The following SLC2A9 variants were observed in gnomAD, a reference collection of about 807,000 sequenced individuals.
The protein encoded by SLC2A9 is solute carrier family 2 member 9.
SLC2A9 carries 39 observed loss-of-function variants against 50.6 expected under a neutral mutation model. The observed-to-expected ratio is 0.77, with a 90% CI of 0.60 to 1.01. SLC2A9 has a LOEUF of 1.01. Among genes scored for constraint, SLC2A9 ranks in the 50% least tolerant of loss-of-function variants. The probability of loss-of-function intolerance (pLI) is 0.00; values close to 1 mark genes in which losing one functional copy is unlikely to be tolerated. For missense variants in SLC2A9, 686 were observed against 677.6 expected, an observed-to-expected ratio of 1.01 and a Z score of -0.14; for synonymous variants, 324 against 276.9, an observed-to-expected ratio of 1.17 and a Z score of -1.69.
chr4:9,898,502 T>C (rs1738983483), intron 8 of SLC2A9, among the ~76,000 whole-genome samples: 1 of 152,222 alleles, frequency 6.6e-6, no homozygotes, highest in Non-Finnish European at 1.5e-5. Flanking sequence ...TCTCTCTATA[T>C]AAACTGCATG....
intron 2 of SLC2A9, among the ~76,000 whole-genome samples, chr4:10,009,273 G>A (rs1761357561): frequency 6.6e-6 from 1 of 152,162 alleles, no homozygotes; most frequent in Admixed American, 6.5e-5. Flanking sequence ...AAGAGCGCCT[G>A]GGTTCCCAGA....
At chr4:9,773,753 T>C (rs1371881540) in intron 1 of SLC2A9, among the ~76,000 whole-genome samples, 1 of 152,180 alleles carries the variant, frequency 6.6e-6, no homozygotes, top group African/African-American at 2.4e-5. Context: ...GAGAGAGATC[T>C]TGGTTTCCAG....
intron 10 of SLC2A9, among the ~76,000 whole-genome samples, chr4:9,886,745 G>C (rs986547115): frequency 2.0e-5 from 3 of 152,082 alleles, no homozygotes; most frequent in Non-Finnish European, 4.4e-5. Flanking sequence ...TCCCATGAGA[G>C]AGCACATGGC....
chr4:9,902,606 G>A (rs1465623798), intron 8 of SLC2A9, among the ~76,000 whole-genome samples: 1 of 152,204 alleles, frequency 6.6e-6, no homozygotes, highest in Non-Finnish European at 1.5e-5. Flanking sequence ...GCCTCTGGAG[G>A]CGCCAGGGAA....
chr4:9,975,661 A>G (rs918530535), intron 5 of SLC2A9, among the ~76,000 whole-genome samples: 12 of 152,230 alleles, frequency 7.9e-5, no homozygotes, highest in Non-Finnish European at 1.6e-4. Flanking sequence ...GTGGGAATGT[A>G]AATTAGTTCA....
At chr4:9,946,075 C>T (rs181655748) in intron 5 of SLC2A9, among the ~76,000 whole-genome samples, 159 of 152,278 alleles carry the variant, frequency 1.0e-3, no homozygotes, top group Middle Eastern at 0.01. Flanking sequence ...TTTGTGGTGT[C>T]GGTCCAGCCT....
At chr4:9,967,475 T>C (rs962679784) in intron 5 of SLC2A9, among the ~76,000 whole-genome samples, 1 of 151,958 alleles carries the variant, frequency 6.6e-6, no homozygotes, top group African/African-American at 2.4e-5. Context: ...TTAATAAGAG[T>C]TGAGCATTCT....
At chr4:9,817,774 A>C (rs1723810025) in intron 3 of SLC2A9, among the ~76,000 whole-genome samples, 1 of 151,998 alleles carries the variant, frequency 6.6e-6, no homozygotes, top group Non-Finnish European at 1.5e-5. Context: ...TGCCCTACCA[A>C]ACTTGAGTCT....
intron 10 of SLC2A9, among the ~76,000 whole-genome samples, chr4:9,878,648 G>C (rs1465405513): frequency 6.6e-6 from 1 of 151,914 alleles, no homozygotes; most frequent in Non-Finnish European, 1.5e-5. Flanking sequence ...TGTAAGTAGG[G>C]CACTTTCCTG....
At chr4:9,808,779 C>T (rs1353370570) in intron 3 of SLC2A9, among the ~76,000 whole-genome samples, 1 of 152,148 alleles carries the variant, frequency 6.6e-6, no homozygotes, top group Non-Finnish European at 1.5e-5. Flanking sequence ...AGAGAGAATA[C>T]TGTCTTTTGG....
chr4:9,984,951 C>A (rs1578191876), intron 4 of SLC2A9, among the ~76,000 whole-genome samples: 1 of 152,336 alleles, frequency 6.6e-6, no homozygotes, highest in Middle Eastern at 3.4e-3. Context: ...AGCACCCACA[C>A]ATCTCCTTGC....
chr4:10,014,465 G>C (rs1303878969), intron 2 of SLC2A9, among the ~76,000 whole-genome samples: 1 of 152,202 alleles, frequency 6.6e-6, no homozygotes, highest in Non-Finnish European at 1.5e-5. Context: ...CTCATAGCCT[G>C]GGTGGTGCTG....
chr4:9,852,166 G>C (rs747976074), intron 10 of SLC2A9, among the ~76,000 whole-genome samples: 1 of 151,986 alleles, frequency 6.6e-6, no homozygotes, highest in South Asian at 2.1e-4. Context: ...CACCAACAAA[G>C]TGAACCCCGT....
At chr4:10,015,001 G>T (rs1413275377) in intron 2 of SLC2A9, among the ~76,000 whole-genome samples, 1 of 152,214 alleles carries the variant, frequency 6.6e-6, no homozygotes, top group Non-Finnish European at 1.5e-5. Flanking sequence ...CGGTTTCTCA[G>T]TTAGATCAGG....
chr4:9,993,558 G>C (rs3775948), intron 3 of SLC2A9, among the ~76,000 whole-genome samples: 107,474 of 151,950 alleles, frequency 0.71, 38,215 homozygotes, highest in Non-Finnish European at 0.75. Flanking sequence ...AAGTAAAGAT[G>C]AAAGAGTTTA....
chr4:10,019,052 C>G lies in SLC2A9; in HGVS notation c.172G>C (p.Val58Leu). 6.4e-7 allele frequency: 1 copy of G among 1,551,134 alleles called. No homozygotes were observed. Among genetic ancestry groups the G allele is most frequent in the Non-Finnish European group, 8.7e-7 (1 of 1,146,948 alleles). The change falls in exon 2 of 12, where the codon GTG becomes CTG. Residue 58 changes from valine to leucine, a missense_variant. By Grantham distance (32) the Val-to-Leu change is conservative. Transcript: ENST00000264784. ...CCGAAGGCGCCCGCGAGGGAGGCCA[C>G]GAGGAGCGAGCAGGACCAGTCCTGA... ...RRKDWSCSLL[V>L]ASLAGAFGSS...
chr4:10,021,338 C>T lies in SLC2A9; in HGVS notation c.92G>A (p.Arg31Lys). 1 of 1,614,220 alleles carries T rather than the reference C, an allele frequency of 6.2e-7. No homozygotes were observed. Among genetic ancestry groups the T allele is most frequent in the Non-Finnish European group, 8.5e-7 (1 of 1,180,050 alleles). Residue 31 changes from arginine (R) to lysine (K), a missense_variant, in exon 1 of 12, where the codon AGG becomes AAG. Physicochemically the swap from Arg to Lys is conservative, Grantham distance 26. Coordinates refer to ENST00000264784, the MANE Select transcript of SLC2A9 (RefSeq NM_020041.3). ...TSHAGPPGPGRALLECDHLRS... is the reference protein window; with the variant it reads ...TSHAGPPGPGKALLECDHLRS... ...CAGGTGGTCACACTCCAGCAGTGCCCTCCCTGGCCCTGGAGGCCCGGCGTG... is the reference window on the plus strand; with the variant it reads ...CAGGTGGTCACACTCCAGCAGTGCCTTCCCTGGCCCTGGAGGCCCGGCGTG...
intron 5 of SLC2A9, among the ~76,000 whole-genome samples, chr4:9,958,577 A>T (rs1454776404): frequency 6.6e-6 from 1 of 152,202 alleles, no homozygotes; most frequent in Non-Finnish European, 1.5e-5. Flanking sequence ...CCACTATGGC[A>T]CATGTATACC....
downstream of SLC2A9, among the ~76,000 whole-genome samples, chr4:9,776,554 C>T (rs1468027814): frequency 6.6e-6 from 1 of 152,002 alleles, no homozygotes; most frequent in Non-Finnish European, 1.5e-5. Context: ...GCCTGGTGCT[C>T]CAGGGTGACA....
Sources: gnomAD v4.1 joint callset for allele counts (sites outside exome capture counted in the v4.1 genomes callset) on GRCh38, gnomAD v4.1.1 for gene constraint, MANE v1.5 for transcripts, NCBI Gene and HGNC (gene_info 2026-07-23, HGNC 2026-07-21) for gene names.